The following EPB41L2 variants were observed in gnomAD, a reference collection of about 807,000 sequenced individuals.
The protein encoded by EPB41L2 is band 4.1-like protein 2.
A neutral mutation model predicts 113.0 loss-of-function variants in EPB41L2; 43 were observed. The observed-to-expected ratio is 0.38, with a 90% CI of 0.30 to 0.49. The LOEUF (loss-of-function observed/expected upper bound fraction) is 0.49. Among genes scored for constraint, EPB41L2 ranks in the 20% least tolerant of loss-of-function variants. EPB41L2 has a pLI of 0.95. For missense variants in EPB41L2, 1,147 were observed against 1,223.4 expected (o/e 0.94, Z 0.93); for synonymous variants, 442 against 436.7 (o/e 1.01, Z -0.15).
intron 10 of EPB41L2, 151 bp from the exon 11 acceptor site, chr6:130,890,617 T>C (rs1792530569): frequency 2.2e-6 from 2 of 897,144 alleles, no homozygotes; most frequent in Non-Finnish European, 3.3e-6. Context: ...AAGAACATTA[T>C]TTATAAACCC....
intron 1 of EPB41L2, among the ~76,000 whole-genome samples, chr6:131,040,441 C>T (rs1200444591): frequency 6.6e-6 from 1 of 152,112 alleles, no homozygotes; most frequent in African/African-American, 2.4e-5. Flanking sequence ...TCTGTCTCCA[C>T]ATAAAAAAGG....
intron 1 of EPB41L2, among the ~76,000 whole-genome samples, chr6:130,977,107 G>C (rs1007199453): frequency 1.3e-5 from 2 of 152,098 alleles, no homozygotes; most frequent in Non-Finnish European, 2.9e-5. Flanking sequence ...GCTACCACTC[G>C]GTCATAATGA....
intron 1 of EPB41L2, among the ~76,000 whole-genome samples, chr6:130,997,814 T>C (rs954298744): frequency 1.3e-5 from 2 of 152,118 alleles, no homozygotes; most frequent in Non-Finnish European, 2.9e-5. Flanking sequence ...TGACAGTCTG[T>C]AGGGAAGAAT....
chr6:130,860,812 G>A (rs886472950), intron 18 of EPB41L2, among the ~76,000 whole-genome samples: 1 of 152,074 alleles, frequency 6.6e-6, no homozygotes, highest in African/African-American at 2.4e-5. Context: ...GGGATTACAG[G>A]CTTGAGCCAC....
At chr6:130,987,053 A>G (rs1428796494) in intron 1 of EPB41L2, among the ~76,000 whole-genome samples, 2 of 152,150 alleles carry the variant, frequency 1.3e-5, no homozygotes, top group Non-Finnish European at 2.9e-5. Flanking sequence ...GTAACATATC[A>G]GTACTTCCTT....
At chr6:130,879,365 A>G (rs1788540849) in intron 13 of EPB41L2, among the ~76,000 whole-genome samples, 1 of 152,206 alleles carries the variant, frequency 6.6e-6, no homozygotes, top group Non-Finnish European at 1.5e-5. Context: ...TACACTGTAC[A>G]GCATTTTAGT....
chr6:130,881,823 G>A (rs1377974862), intron 12 of EPB41L2: 2 of 151,906 alleles, frequency 1.3e-5, no homozygotes, highest in Non-Finnish European at 2.9e-5. Flanking sequence ...AAAGACAACA[G>A]AATAGTACCT....
intron 13 of EPB41L2, among the ~76,000 whole-genome samples, chr6:130,878,782 A>G (rs1276088006): frequency 6.6e-6 from 1 of 152,214 alleles, no homozygotes; most frequent in Non-Finnish European, 1.5e-5. Flanking sequence ...TGGAAAAGCC[A>G]AGGTTTTTTG....
At chr6:130,928,545 G>A (rs548617634) in intron 3 of EPB41L2, among the ~76,000 whole-genome samples, 129 of 152,230 alleles carry the variant, frequency 8.5e-4, no homozygotes, top group Non-Finnish European at 1.5e-3. Context: ...GAGAAAACAC[G>A]TTCCAATTCC....
chr6:130,983,768 AT>A (rs1779907403), intron 1 of EPB41L2, among the ~76,000 whole-genome samples: 1 of 152,006 alleles, frequency 6.6e-6, no homozygotes, highest in Non-Finnish European at 1.5e-5. Context: ...GGTTCAAGCA[AT>A]CCTCCTGCCT....
rs778217407 is a variant in EPB41L2, at chr6:130,865,567, A to C, written c.2798T>G (p.Val933Gly). The change falls in exon 17 of 20, where the codon GTG becomes GGG. Residue 933 changes from valine to glycine, a missense_variant. By Grantham distance (109) the Val-to-Gly change is moderately radical. Coordinates refer to ENST00000337057, the MANE Select transcript of EPB41L2 (RefSeq NM_001431.4). ...GATGTGTGTGGTTGTCGTTGTTGAC[A>C]CGGACTCAGATGTGATGGTTTGTGC... The part of the protein sequence containing the change: ...LTAQTITSES[V>G]STTTTTHITK... The C allele has an allele frequency of 6.2e-7, 1 of 1,614,128 alleles. No individual in the cohort carries two copies. Among genetic ancestry groups the C allele is most frequent in the East Asian group, 2.2e-5 (1 of 44,878 alleles).
intron 1 of EPB41L2, among the ~76,000 whole-genome samples, chr6:131,005,322 C>T (rs879793443): frequency 1.3e-5 from 2 of 152,130 alleles, no homozygotes; most frequent in Non-Finnish European, 2.9e-5. Context: ...TCCAAAGTCC[C>T]CTCTCCTCAT....
chr6:131,002,582 T>C (rs1221235830), intron 1 of EPB41L2, among the ~76,000 whole-genome samples: 1 of 152,158 alleles, frequency 6.6e-6, no homozygotes, highest in Non-Finnish European at 1.5e-5. Flanking sequence ...CATTCCAGAG[T>C]AAAAGGAATC....
intron 2 of EPB41L2, 51 bp downstream of exon 2, chr6:130,955,943 T>C (rs1268205759): frequency 1.9e-6 from 3 of 1,554,928 alleles, no homozygotes; most frequent in African/African-American, 1.4e-5. Flanking sequence ...CTTTTTATTA[T>C]GTGGTTACGC....
chr6:131,015,334 CT>C (rs1179962629), intron 1 of EPB41L2: 1 of 152,148 alleles, frequency 6.6e-6, no homozygotes, highest in African/African-American at 2.4e-5. Context: ...ATAAAATAGC[CT>C]GTAAGACAAT....
At chr6:130,904,419 G>A (rs193025534) in intron 6 of EPB41L2, 46 bp downstream of exon 6, 24 of 1,340,470 alleles carry the variant, frequency 1.8e-5, no homozygotes, top group Middle Eastern at 1.9e-4. Flanking sequence ...AAAAATAAAC[G>A]AGAGCTGTAA....
intron 10 of EPB41L2, among the ~76,000 whole-genome samples, chr6:130,891,607 T>C (rs1044068287): frequency 1.3e-5 from 2 of 152,100 alleles, no homozygotes; most frequent in Admixed American, 6.5e-5. Flanking sequence ...CATGCCACCA[T>C]GCCCAGCTAA....
intron 1 of EPB41L2, among the ~76,000 whole-genome samples, chr6:131,014,951 T>C (rs1202035244): frequency 6.6e-6 from 1 of 152,156 alleles, no homozygotes; most frequent in Admixed American, 6.5e-5. Context: ...AGGAAAATGT[T>C]TGGGTGTCTG....
chr6:130,919,716 G>A (rs950628055), intron 4 of EPB41L2, among the ~76,000 whole-genome samples: 2 of 152,160 alleles, frequency 1.3e-5, no homozygotes, highest in African/African-American at 4.8e-5. Flanking sequence ...ATAGTCAACT[G>A]AGAACCCTGC....
Sources: gnomAD v4.1 joint callset for allele counts (sites outside exome capture counted in the v4.1 genomes callset) on GRCh38, gnomAD v4.1.1 for gene constraint, MANE v1.5 for transcripts, NCBI Gene and HGNC (gene_info 2026-07-23, HGNC 2026-07-21) for gene names.